Variants in TAOK3 observed in about 807,000 individuals in gnomAD.
TAOK3 encodes TAO kinase 3.
Under a neutral mutation model 120.4 loss-of-function variants are expected in TAOK3, and 40 were observed. The ratio of observed to expected loss-of-function variants is 0.33; its 90% CI spans 0.26 to 0.43. TAOK3 has a LOEUF of 0.43. Among genes scored for constraint, TAOK3 ranks in the 20% least tolerant of loss-of-function variants. The pLI is 1.00. For synonymous variants in TAOK3, 355 were observed against 387.5 expected, an observed-to-expected ratio of 0.92 and a Z score of 0.99; for missense variants, 821 against 1,112.1, an observed-to-expected ratio of 0.74 and a Z score of 3.72.
At chr12:118,307,646 T>C (rs561802880) in intron 1 of TAOK3, among the ~76,000 whole-genome samples, 1 of 152,272 alleles carries the variant, frequency 6.6e-6, no homozygotes, top group South Asian at 2.1e-4. Flanking sequence ...GCTAGACAAA[T>C]TTCCAAGCAC....
chr12:118,326,334 T>G (rs889504180), intron 1 of TAOK3, among the ~76,000 whole-genome samples: 6 of 152,188 alleles, frequency 3.9e-5, no homozygotes, highest in Non-Finnish European at 7.3e-5. Context: ...TGAATTTATT[T>G]CTGGGTTCTA....
intron 13 of TAOK3, among the ~76,000 whole-genome samples, chr12:118,192,556 T>A (rs1352982135): frequency 7.9e-5 from 12 of 152,234 alleles, no homozygotes; most frequent in Admixed American, 7.9e-4. Context: ...GGGAAATGAA[T>A]TTTAATATTC....
chr12:118,318,344 G>A (rs1185699804), intron 1 of TAOK3, among the ~76,000 whole-genome samples: 2 of 151,958 alleles, frequency 1.3e-5, no homozygotes, highest in African/African-American at 2.4e-5. Context: ...TTTTAGTAAA[G>A]ACAGGGTTTC....
At position 118,243,481 on chromosome 12, in the gene TAOK3, T is replaced by C. The variant is rs1322270022; in HGVS notation, c.228A>G (p.Leu76=). ...WQDILKEVKF[L]RQLKHPNTIE... is the part of the protein sequence containing the mutation. ...TAGTATTAGGATGCTTCAATTGTCG[T>C]AAAAATTTAACTTCCTTAAGAATAT... is the stretch of plus-strand genomic sequence containing the variant. Residue 76 remains leucine (L), a synonymous_variant, in exon 5 of 21, where the codon TTA becomes TTG. Transcript: ENST00000392533. The C allele has an allele frequency of 6.5e-7, 1 of 1,527,762 alleles. No homozygotes were observed. The allele number at this position is 1,527,762 out of a possible 1,614,324, so 94.6% of individuals were successfully genotyped here.
intron 14 of TAOK3, among the ~76,000 whole-genome samples, chr12:118,184,456 A>T (rs1433522860): frequency 6.6e-6 from 1 of 152,214 alleles, no homozygotes; most frequent in Non-Finnish European, 1.5e-5. Context: ...AATAGCTGAT[A>T]ACTTTTTCAT....
chr12:118,165,164 A>G (rs116123649), intron 17 of TAOK3, among the ~76,000 whole-genome samples: 1,893 of 152,188 alleles, frequency 0.012, 39 homozygotes, highest in African/African-American at 0.042. Context: ...TTTCTTCTTT[A>G]CCTAGACCAT....
intron 19 of TAOK3, among the ~76,000 whole-genome samples, chr12:118,154,865 C>G (rs1272369746): frequency 2.6e-5 from 4 of 152,156 alleles, no homozygotes; most frequent in African/African-American, 9.7e-5. Flanking sequence ...CAGGATTCCC[C>G]CCAAGATGGG....
intron 1 of TAOK3, among the ~76,000 whole-genome samples, chr12:118,300,664 GTTCT>G (rs1299604940): frequency 6.6e-6 from 1 of 151,918 alleles, no homozygotes; most frequent in Non-Finnish European, 1.5e-5. Context: ...TGATTCTATT[GTTCT>G]TTCTGTTCCT....
intron 1 of TAOK3, among the ~76,000 whole-genome samples, chr12:118,325,037 C>T (rs1456320401): frequency 2.0e-5 from 3 of 152,102 alleles, no homozygotes; most frequent in East Asian, 1.9e-4. Flanking sequence ...TGAGCCACCG[C>T]GCCCGGCCCT....
chr12:118,269,622 G>A (rs2041617648), intron 1 of TAOK3, among the ~76,000 whole-genome samples: 1 of 151,792 alleles, frequency 6.6e-6, no homozygotes, highest in Non-Finnish European at 1.5e-5. Flanking sequence ...CACCTGCCTC[G>A]GCCTCCCAAA....
intron 3 of TAOK3, among the ~76,000 whole-genome samples, 183 bp downstream of exon 3, chr12:118,255,265 G>A (rs1263886407): frequency 6.6e-6 from 1 of 152,126 alleles, no homozygotes; most frequent in Non-Finnish European, 1.5e-5. Context: ...AACATGTAGA[G>A]TTCAAACTTT....
intron 13 of TAOK3, among the ~76,000 whole-genome samples, chr12:118,196,568 A>C (rs937688659): frequency 6.6e-6 from 1 of 152,188 alleles, no homozygotes; most frequent in Non-Finnish European, 1.5e-5. Context: ...TATAACAATC[A>C]AGGGACAAAA....
chr12:118,335,686 C>T (rs552851472), intron 1 of TAOK3, among the ~76,000 whole-genome samples: 282 of 151,964 alleles, frequency 1.9e-3, no homozygotes, highest in Non-Finnish European at 2.6e-3. Context: ...CAAAAAATTA[C>T]CCGGGCGTGG....
intron 5 of TAOK3, 75 bp from the exon 6 acceptor site, chr12:118,239,347 T>C: frequency 1.2e-6 from 1 of 826,190 alleles, no homozygotes; most frequent in Non-Finnish European, 2.0e-6. Flanking sequence ...AAACAACCAA[T>C]CAAGGAACTA....
chr12:118,255,633 T>A lies in TAOK3; in HGVS notation c.-66A>T. On this transcript the variant is annotated 5_prime_UTR_variant, in exon 3 of 21. Transcript: ENST00000392533. The stretch of plus-strand genomic sequence containing the variant: ...GCTTTATTTCTCATTGACAATTTTT[T>A]TTGGGGGGTAAATCTTCAGTACCTG... The A allele has an allele frequency of 6.6e-7, 1 of 1,516,914 alleles. No individual in the cohort carries two copies. The highest frequency in any genetic ancestry group is 8.9e-7 in the Non-Finnish European group (1 of 1,127,578). The allele number at this position is 1,516,914 out of a possible 1,614,324, so 94.0% of individuals were successfully genotyped here.
At chr12:118,237,558 C>A (rs1381898555) in intron 7 of TAOK3, among the ~76,000 whole-genome samples, 2 of 152,004 alleles carry the variant, frequency 1.3e-5, no homozygotes, top group Admixed American at 6.6e-5. Context: ...AAACTCTGGG[C>A]AAGTTAAGTC....
At chr12:118,348,228 T>G (rs905620313) in intron 1 of TAOK3, among the ~76,000 whole-genome samples, 1 of 152,216 alleles carries the variant, frequency 6.6e-6, no homozygotes, top group Admixed American at 6.5e-5. Flanking sequence ...ACCTGACAGC[T>G]TCTTGCTGAC....
chr12:118,310,827 C>T (rs73205546), intron 1 of TAOK3, among the ~76,000 whole-genome samples: 2 of 152,060 alleles, frequency 1.3e-5, no homozygotes, highest in Non-Finnish European at 2.9e-5. Context: ...AATGTGTAAA[C>T]CGTGTAGTGT....
Position 118,150,863 on chromosome 12 carries a change from G to A in TAOK3, c.*134C>T, listed in dbSNP as rs1224357367. On this transcript the variant is annotated 3_prime_UTR_variant, in exon 21 of 21. Coordinates refer to ENST00000392533, the MANE Select transcript of TAOK3 (RefSeq NM_016281.4). ...GAATAAACAGGCACTAGTCCGACAC[G>A]ATGTCAGTAAGAGTAAGAGAGAGAG... is the stretch of plus-strand genomic sequence containing the variant. 1.1e-5 allele frequency: 11 copies of A among 976,016 alleles called. No individual in the cohort carries two copies. The highest frequency in any genetic ancestry group is 5.7e-5 in the Admixed American group (2 of 35,172). The allele number at this position is 976,016 out of a possible 1,614,324, so 60.5% of individuals were successfully genotyped here. A position where few individuals can be genotyped will look rare whatever the true frequency, so the allele number is the denominator to read the frequency against.
Sources: gnomAD v4.1 joint callset for allele counts (sites outside exome capture counted in the v4.1 genomes callset) on GRCh38, gnomAD v4.1.1 for gene constraint, MANE v1.5 for transcripts, NCBI Gene and HGNC (gene_info 2026-07-23, HGNC 2026-07-21) for gene names.